The following GRM8 variants were observed in gnomAD, a reference collection of about 807,000 sequenced individuals.
The protein encoded by GRM8 is metabotropic glutamate receptor 8.
In GRM8, 47 loss-of-function variants were observed where a neutral mutation model predicts 87.2. That is an observed-to-expected ratio of 0.54 (90% CI 0.43 to 0.69). The LOEUF is 0.69. GRM8 is among the 30% of genes least tolerant of loss of function. The pLI is 0.00. For missense variants in GRM8, 1,019 were observed against 1,139.2 expected, an observed-to-expected ratio of 0.89 and a Z score of 1.52; for synonymous variants, 396 against 404.5, an observed-to-expected ratio of 0.98 and a Z score of 0.25.
intron 6 of GRM8, among the ~76,000 whole-genome samples, chr7:126,795,645 T>C (rs182721420): frequency 6.6e-6 from 1 of 152,188 alleles, no homozygotes; most frequent in Admixed American, 6.6e-5. Flanking sequence ...CCTTGAAGCG[T>C]TCACCTGGCA....
chr7:126,660,929 C>A (rs189199911), intron 7 of GRM8, among the ~76,000 whole-genome samples: 124 of 152,198 alleles, frequency 8.1e-4, no homozygotes, highest in African/African-American at 2.8e-3. Flanking sequence ...GGGTCAGTAT[C>A]AACTGTCAAA....
chr7:126,811,457 A>G (rs753055041), intron 6 of GRM8, among the ~76,000 whole-genome samples: 12 of 151,910 alleles, frequency 7.9e-5, no homozygotes, highest in Non-Finnish European at 1.8e-4. Flanking sequence ...TTTGGGTAGT[A>G]TGGTCATTTT....
At chr7:127,025,699 A>G (rs990455680) in intron 3 of GRM8, among the ~76,000 whole-genome samples, 1 of 152,042 alleles carries the variant, frequency 6.6e-6, no homozygotes, top group African/African-American at 2.4e-5. Flanking sequence ...TATCCTGTCC[A>G]GAGACAGTCC....
chr7:126,462,429 C>G (rs1043869420), intron 9 of GRM8, among the ~76,000 whole-genome samples: 20 of 151,494 alleles, frequency 1.3e-4, no homozygotes, highest in Admixed American at 4.0e-4. Context: ...TTGCAAAGGT[C>G]CTGTATTTCA....
intron 9 of GRM8, among the ~76,000 whole-genome samples, chr7:126,527,795 T>C (rs1467485098): frequency 2.6e-5 from 4 of 152,218 alleles, no homozygotes; most frequent in Non-Finnish European, 5.9e-5. Flanking sequence ...AGGTACACAC[T>C]GCCTCAGGAA....
At chr7:127,031,885 C>T in intron 3 of GRM8, among the ~76,000 whole-genome samples, 1 of 152,044 alleles carries the variant, frequency 6.6e-6, no homozygotes, top group East Asian at 1.9e-4. Flanking sequence ...TCTTTAATAC[C>T]TAAGAAGTTC....
intron 2 of GRM8, among the ~76,000 whole-genome samples, chr7:127,190,030 CTCTGCT>C (rs1794939794): frequency 6.6e-6 from 1 of 152,228 alleles, no homozygotes. Flanking sequence ...GGCTAGATGG[CTCTGCT>C]AATCTTGGCC....
intron 9 of GRM8, among the ~76,000 whole-genome samples, chr7:126,480,450 G>T (rs1470020336): frequency 3.9e-5 from 6 of 152,168 alleles, no homozygotes; most frequent in Admixed American, 3.9e-4. Flanking sequence ...TAAGGTTAAA[G>T]ACAAAATCAG....
chr7:126,888,331 A>G (rs968917621), intron 6 of GRM8, among the ~76,000 whole-genome samples: 1 of 152,116 alleles, frequency 6.6e-6, no homozygotes, highest in Non-Finnish European at 1.5e-5. Flanking sequence ...TAATAAGCCT[A>G]TTTAGAGTCA....
chr7:126,935,835 C>T (rs1806255311), intron 3 of GRM8, among the ~76,000 whole-genome samples: 1 of 152,234 alleles, frequency 6.6e-6, no homozygotes, highest in Non-Finnish European at 1.5e-5. Flanking sequence ...GATGCCACCT[C>T]TGTGTTTTCC....
At chr7:126,768,081 A>AT (rs1294773946) in intron 7 of GRM8, among the ~76,000 whole-genome samples, 5 of 152,008 alleles carry the variant, frequency 3.3e-5, no homozygotes, top group Admixed American at 1.3e-4. Context: ...CCCTACCCTT[A>AT]TCTCAGACAC....
At chr7:127,049,881 AGAG>A (rs1291141729) in intron 3 of GRM8, among the ~76,000 whole-genome samples, 2 of 152,164 alleles carry the variant, frequency 1.3e-5, no homozygotes, top group Non-Finnish European at 2.9e-5. Context: ...TGTGCTTGAT[AGAG>A]GAGAATCCAA....
intron 7 of GRM8, among the ~76,000 whole-genome samples, chr7:126,615,737 G>A (rs1353089768): frequency 5.9e-5 from 9 of 151,920 alleles, no homozygotes; most frequent in African/African-American, 1.7e-4. Flanking sequence ...AGTCTCTGAT[G>A]AAACAGACTT....
chr7:126,703,207 T>C (rs1022042524), intron 7 of GRM8, among the ~76,000 whole-genome samples: 1 of 152,202 alleles, frequency 6.6e-6, no homozygotes, highest in Non-Finnish European at 1.5e-5. Context: ...TATAGGACTA[T>C]GTCAGTAGTA....
At chr7:126,606,539 T>C (rs1798367576) in intron 8 of GRM8, among the ~76,000 whole-genome samples, 1 of 152,198 alleles carries the variant, frequency 6.6e-6, no homozygotes, top group Non-Finnish European at 1.5e-5. Flanking sequence ...CCAAGCACTC[T>C]ACTACTCCAC....
intron 2 of GRM8, among the ~76,000 whole-genome samples, chr7:127,198,825 C>A (rs889859483): frequency 2.0e-5 from 3 of 147,294 alleles, no homozygotes; most frequent in African/African-American, 7.8e-5. Context: ...CAGGCAAGCA[C>A]CACCGTGCCT....
chr7:127,125,411 C>T (rs910834133), intron 2 of GRM8, among the ~76,000 whole-genome samples: 1 of 151,960 alleles, frequency 6.6e-6, no homozygotes, highest in Admixed American at 6.6e-5. Context: ...AGAAAAAAGA[C>T]ACTTGATTCT....
At chr7:126,608,555 C>CT (rs1163147321) in intron 8 of GRM8, among the ~76,000 whole-genome samples, 1 of 152,104 alleles carries the variant, frequency 6.6e-6, no homozygotes, top group Non-Finnish European at 1.5e-5. Context: ...TTAATGGACA[C>CT]TGGACCTGAA....
At chr7:127,133,723 A>AAAT (rs1827812327) in intron 2 of GRM8, among the ~76,000 whole-genome samples, 2 of 151,450 alleles carry the variant, frequency 1.3e-5, no homozygotes, top group South Asian at 4.2e-4. Context: ...AAAAAAAAAA[A>AAAT]AAAAAATTAA....
Sources: gnomAD v4.1 joint callset for allele counts (sites outside exome capture counted in the v4.1 genomes callset) on GRCh38, gnomAD v4.1.1 for gene constraint, MANE v1.5 for transcripts, NCBI Gene and HGNC (gene_info 2026-07-23, HGNC 2026-07-21) for gene names.